The following SYT9 variants were observed in gnomAD, a reference collection of about 807,000 sequenced individuals.
SYT9 encodes the protein synaptotagmin 9.
SYT9 carries 22 observed loss-of-function variants against 48.4 expected under a neutral mutation model. The ratio of observed to expected loss-of-function variants is 0.45; its 90% CI spans 0.32 to 0.65. The LOEUF (loss-of-function observed/expected upper bound fraction) is 0.65, where lower values mean the gene tolerates loss of function less well. SYT9 is among the 30% of genes least tolerant of loss of function. The probability of loss-of-function intolerance (pLI) is 0.03; values close to 1 mark genes in which losing one functional copy is unlikely to be tolerated. For missense variants in SYT9, 577 were observed against 622.0 expected, an observed-to-expected ratio of 0.93 and a Z score of 0.77; for synonymous variants, 265 against 245.0, an observed-to-expected ratio of 1.08 and a Z score of -0.76.
At chr11:7,260,817 T>C (rs186244032) in intron 1 of SYT9, among the ~76,000 whole-genome samples, 1 of 152,316 alleles carries the variant, frequency 6.6e-6, no homozygotes, top group Admixed American at 6.5e-5. Context: ...AAATACTGCC[T>C]TTAGCAAGTT....
intron 6 of SYT9, among the ~76,000 whole-genome samples, chr11:7,430,177 G>GTA (rs1847543249): frequency 6.6e-6 from 1 of 152,084 alleles, no homozygotes; most frequent in Non-Finnish European, 1.5e-5. Flanking sequence ...AAACTCAAAT[G>GTA]TATATTTAAA....
At chr11:7,401,770 T>G (rs1846897721) in intron 3 of SYT9, among the ~76,000 whole-genome samples, 1 of 151,814 alleles carries the variant, frequency 6.6e-6, no homozygotes, top group African/African-American at 2.4e-5. Flanking sequence ...ATTTTCTCAT[T>G]TTCTTTTCTG....
At chr11:7,370,090 ATT>A (rs1431028437) in intron 3 of SYT9, among the ~76,000 whole-genome samples, 2 of 151,972 alleles carry the variant, frequency 1.3e-5, no homozygotes, top group East Asian at 3.9e-4. Flanking sequence ...CCGTTGTATC[ATT>A]CTTATGCCTT....
chr11:7,319,487 G>A (rs576076498), intron 3 of SYT9, among the ~76,000 whole-genome samples: 70 of 152,158 alleles, frequency 4.6e-4, no homozygotes, highest in African/African-American at 1.7e-3. Context: ...GAATAAAACC[G>A]TAATTACCAC....
chr11:7,300,456 A>G (rs1432234187), intron 1 of SYT9, among the ~76,000 whole-genome samples: 2 of 151,986 alleles, frequency 1.3e-5, no homozygotes, highest in African/African-American at 4.8e-5. Flanking sequence ...GGGGATTGGG[A>G]TTTATGCTTC....
intron 3 of SYT9, among the ~76,000 whole-genome samples, chr11:7,377,043 A>G (rs943125567): frequency 1.3e-5 from 2 of 148,926 alleles, no homozygotes; most frequent in African/African-American, 5.0e-5. Context: ...TAGTATGTAG[A>G]TAACAACATA....
At chr11:7,363,316 C>T (rs562231607) in intron 3 of SYT9, among the ~76,000 whole-genome samples, 2 of 152,282 alleles carry the variant, frequency 1.3e-5, no homozygotes, top group South Asian at 4.1e-4. Flanking sequence ...GTACTTTTAA[C>T]ACCAAGACCT....
chr11:7,404,963 A>G (rs1010203778), intron 3 of SYT9, among the ~76,000 whole-genome samples: 1 of 152,104 alleles, frequency 6.6e-6, no homozygotes, highest in African/African-American at 2.4e-5. Context: ...TCTTTCTAAC[A>G]ATACCATATT....
intron 3 of SYT9, among the ~76,000 whole-genome samples, chr11:7,337,024 A>T (rs111976815): frequency 0.011 from 1,663 of 152,116 alleles, 28 homozygotes; most frequent in African/African-American, 0.038. Flanking sequence ...GATTTCTTTG[A>T]GCAGTATTTT....
At position 7,466,836 on chromosome 11, in the gene SYT9, A is replaced by G. The variant is rs1416196466; in HGVS notation, c.*36A>G. ...GAGGACTGCTTGTGCCAAGGACAAA[A>G]TAGGACAACCATCTCACAAAGATCT... On this transcript the variant is annotated 3_prime_UTR_variant, in exon 7 of 7. Coordinates refer to ENST00000318881, the MANE Select transcript of SYT9 (RefSeq NM_175733.4). 1 of 1,609,380 alleles carries G rather than the reference A, an allele frequency of 6.2e-7. No homozygotes were observed. The highest frequency in any genetic ancestry group is 8.5e-7 in the Non-Finnish European group (1 of 1,178,540).
At chr11:7,443,947 T>G (rs1847880960) in intron 6 of SYT9, among the ~76,000 whole-genome samples, 1 of 152,238 alleles carries the variant, frequency 6.6e-6, no homozygotes, top group Non-Finnish European at 1.5e-5. Context: ...CATTCCAGTT[T>G]ACTATAGAAG....
chr11:7,268,377 T>C (rs1401317256), intron 1 of SYT9, among the ~76,000 whole-genome samples: 4 of 151,804 alleles, frequency 2.6e-5, no homozygotes. Context: ...ATAGAAAAAA[T>C]ATGGAAGGCA....
chr11:7,308,147 G>A (rs529624245), intron 2 of SYT9, among the ~76,000 whole-genome samples: 2 of 152,152 alleles, frequency 1.3e-5, no homozygotes, highest in African/African-American at 2.4e-5. Context: ...ATCACCAGGG[G>A]AGTTTTGAAG....
chr11:7,372,873 G>A (rs1850388156), intron 3 of SYT9, among the ~76,000 whole-genome samples: 1 of 151,986 alleles, frequency 6.6e-6, no homozygotes, highest in African/African-American at 2.4e-5. Context: ...AGTAATTGTG[G>A]TGACAGCCGA....
intron 1 of SYT9, among the ~76,000 whole-genome samples, chr11:7,300,479 G>A (rs1848898474): frequency 6.6e-6 from 1 of 152,212 alleles, no homozygotes; most frequent in Non-Finnish European, 1.5e-5. Context: ...CCTTGGAGAG[G>A]AGCCCTGTGA....
chr11:7,397,595 A>G (rs1466457095), intron 3 of SYT9, among the ~76,000 whole-genome samples: 2 of 152,174 alleles, frequency 1.3e-5, no homozygotes, highest in Non-Finnish European at 2.9e-5. Flanking sequence ...CACTAAATTT[A>G]TAGATCAATG....
intron 6 of SYT9, among the ~76,000 whole-genome samples, chr11:7,461,541 T>C (rs1455064245): frequency 1.3e-5 from 2 of 152,054 alleles, no homozygotes; most frequent in Admixed American, 6.6e-5. Context: ...CCCAGCTAAT[T>C]TTTGTATTTT....
intron 3 of SYT9, among the ~76,000 whole-genome samples, chr11:7,358,735 A>T (rs911467984): frequency 2.6e-5 from 4 of 152,224 alleles, no homozygotes; most frequent in Non-Finnish European, 4.4e-5. Context: ...GGTGGAATAC[A>T]TTATTAGATT....
At chr11:7,307,961 C>T (rs1202914966) in intron 2 of SYT9, among the ~76,000 whole-genome samples, 1 of 152,206 alleles carries the variant, frequency 6.6e-6, no homozygotes, top group Non-Finnish European at 1.5e-5. Context: ...AGGCCTGATG[C>T]CTGTCTCGTC....
Sources: allele counts gnomAD v4.1 joint callset (sites outside exome capture counted in the v4.1 genomes callset), GRCh38; gene constraint gnomAD v4.1.1; transcripts MANE v1.5; gene names NCBI Gene and HGNC (gene_info 2026-07-23, HGNC 2026-07-21).